Variants in SV2C observed in about 807,000 individuals in gnomAD.
SV2C encodes synaptic vesicle glycoprotein 2C, also known as solute carrier family 22 member B3.
In SV2C, 49 loss-of-function variants were observed where a neutral mutation model predicts 79.7. The ratio of observed to expected loss-of-function variants is 0.61; its 90% CI spans 0.49 to 0.78. SV2C has a LOEUF of 0.78. Among genes scored for constraint, SV2C ranks in the 30% least tolerant of loss-of-function variants. SV2C has a pLI of 0.00. For missense variants in SV2C, 833 were observed against 912.9 expected (o/e 0.91, Z 1.13); for synonymous variants, 334 against 333.2 (o/e 1.00, Z -0.03).
chr5:76,215,558 C>T (rs2112365750), intron 4 of SV2C, among the ~76,000 whole-genome samples: 1 of 152,286 alleles, frequency 6.6e-6, no homozygotes, highest in South Asian at 2.1e-4. Context: ...TCTGAAAAAA[C>T]TAAAGGCTTA....
the SV2C span, among the ~76,000 whole-genome samples, chr5:75,881,208 G>A: frequency 1.3e-5 from 2 of 152,100 alleles, no homozygotes; most frequent in Non-Finnish European, 2.9e-5. Context: ...TTTGGAGTGG[G>A]CAAATACCCA....
chr5:76,120,675 T>C (rs966370108), intron 1 of SV2C, among the ~76,000 whole-genome samples: 54 of 150,608 alleles, frequency 3.6e-4, no homozygotes, highest in African/African-American at 1.2e-3. Flanking sequence ...ATTTCATCCA[T>C]GTCCCTACAA....
At chr5:76,032,075 C>A in the SV2C span, among the ~76,000 whole-genome samples, 2 of 152,128 alleles carry the variant, frequency 1.3e-5, no homozygotes, top group African/African-American at 4.8e-5. Flanking sequence ...CTTTTAAAAT[C>A]TTTCCTTTTG....
chr5:76,137,415 A>T (rs17650942), intron 2 of SV2C, among the ~76,000 whole-genome samples: 60,501 of 151,950 alleles, frequency 0.4, 14,445 homozygotes, highest in Non-Finnish European at 0.54. Flanking sequence ...TAGCCAAGGC[A>T]TTGGGCAGGT....
intron 12 of SV2C, among the ~76,000 whole-genome samples, chr5:76,352,806 G>A (rs1330502572): frequency 2.0e-5 from 3 of 151,888 alleles, no homozygotes; most frequent in Admixed American, 2.0e-4. Context: ...AAATACACAG[G>A]TCTGTATCTT....
chr5:76,074,478 G>C, the SV2C span, among the ~76,000 whole-genome samples: 1 of 152,182 alleles, frequency 6.6e-6, no homozygotes, highest in African/African-American at 2.4e-5. Flanking sequence ...GAGAGATTCA[G>C]TTATTGGCCT....
the SV2C span, among the ~76,000 whole-genome samples, chr5:75,955,811 G>A: frequency 2.0e-5 from 3 of 150,590 alleles, no homozygotes; most frequent in South Asian, 6.3e-4. Flanking sequence ...ACCATCACTG[G>A]CCATCAGAGA....
At chr5:75,861,734 A>G in the SV2C span, among the ~76,000 whole-genome samples, 1 of 152,216 alleles carries the variant, frequency 6.6e-6, no homozygotes, top group Non-Finnish European at 1.5e-5. Context: ...CAAATACTGC[A>G]TGTTCTCACT....
intron 1 of SV2C, among the ~76,000 whole-genome samples, chr5:76,094,880 TC>T (rs1747498368): frequency 6.6e-6 from 1 of 152,122 alleles, no homozygotes; most frequent in African/African-American, 2.4e-5. Flanking sequence ...AAATATTTCC[TC>T]CTAGTGTGGC....
At chr5:76,139,850 G>T (rs1749194188) in intron 2 of SV2C, among the ~76,000 whole-genome samples, 4 of 68,710 alleles carry the variant, frequency 5.8e-5, no homozygotes, top group East Asian at 2.4e-4. Flanking sequence ...AGAAGCTCTT[G>T]AAAGTATTTT....
At chr5:75,937,722 AC>A in the SV2C span, among the ~76,000 whole-genome samples, 7 of 151,808 alleles carry the variant, frequency 4.6e-5, no homozygotes, top group East Asian at 7.7e-4. Context: ...AAACAAAAAA[AC>A]AAAACAAAAC....
chr5:76,122,166 CTGTT>C (rs1280798188), intron 1 of SV2C, among the ~76,000 whole-genome samples: 3 of 150,764 alleles, frequency 2.0e-5, no homozygotes, highest in Non-Finnish European at 2.9e-5. Flanking sequence ...ATTTGGCTCT[CTGTT>C]TGTCTGTTAT....
Position 76,223,444 on chromosome 5 carries a change from CATATATATATATATATATATATAT to C in SV2C, c.913+13586_913+13609del, listed in dbSNP as rs70979384. On this transcript the variant is annotated intron_variant, in intron 4 of 12. Coordinates refer to ENST00000502798, the MANE Select transcript of SV2C (RefSeq NM_014979.4). ...CCCTGTCTCTTTATATACATACATACATATATATATATATATATATATATATATATATATATATATATATATATA... is the reference window on the plus strand; with the variant it reads ...CCCTGTCTCTTTATATACATACATACATATATATATATATATATATATATA... 6.6e-3 allele frequency among the ~76,000 whole-genome samples: 304 copies of C among 45,798 alleles called. 6 individuals are homozygous for C. Among genetic ancestry groups the C allele is most frequent in the South Asian group, 0.043 (39 of 908 alleles). 30.0% of individuals were successfully genotyped at this position (45,798 alleles called of 152,430 possible).
At chr5:76,324,590 TC>T (rs1748928855) in intron 12 of SV2C, among the ~76,000 whole-genome samples, 2 of 151,916 alleles carry the variant, frequency 1.3e-5, no homozygotes, top group Non-Finnish European at 2.9e-5. Context: ...ATGCCTGTAA[TC>T]CCAGCACTTT....
At chr5:76,073,544 T>TATATATATATATATATAAATAC in the SV2C span, among the ~76,000 whole-genome samples, 1 of 121,080 alleles carries the variant, frequency 8.3e-6, no homozygotes, top group Admixed American at 8.7e-5. Context: ...TATATATATA[T>TATATATATATATATATAAATAC]ACACCATGGA....
At chr5:76,174,232 A>C (rs1268585549) in intron 2 of SV2C, 1 of 1,579,812 alleles carries the variant, frequency 6.3e-7, no homozygotes, top group Non-Finnish European at 8.7e-7. Flanking sequence ...TCACGCTGTC[A>C]CCGGGTCTCT....
At chr5:76,188,415 TA>T (rs1743987407) in intron 2 of SV2C, among the ~76,000 whole-genome samples, 1 of 152,124 alleles carries the variant, frequency 6.6e-6, no homozygotes, top group Admixed American at 6.5e-5. Context: ...ACAAGGAACT[TA>T]AGTAACTCTA....
At chr5:76,012,977 T>G in the SV2C span, among the ~76,000 whole-genome samples, 16 of 152,362 alleles carry the variant, frequency 1.1e-4, no homozygotes, top group Middle Eastern at 3.4e-3. Context: ...TCTGTTTTGG[T>G]ACCAGTACCA....
intron 2 of SV2C, among the ~76,000 whole-genome samples, chr5:76,190,031 CAT>C (rs1349350359): frequency 6.6e-6 from 1 of 152,070 alleles, no homozygotes; most frequent in East Asian, 1.9e-4. Context: ...TCTTCAGAAA[CAT>C]AAAGTGCTGC....
Sources: gnomAD v4.1 joint callset for allele counts (sites outside exome capture counted in the v4.1 genomes callset) on GRCh38, gnomAD v4.1.1 for gene constraint, MANE v1.5 for transcripts, NCBI Gene and HGNC (gene_info 2026-07-23, HGNC 2026-07-21) for gene names.